Variants in SLC6A15 observed in about 807,000 individuals in gnomAD.
SLC6A15 encodes the protein solute carrier family 6 member 15, also known as sodium-dependent neutral amino acid transporter B(0)AT2.
In SLC6A15, 33 loss-of-function variants were observed where a neutral mutation model predicts 68.5. That is an observed-to-expected ratio of 0.48 (90% confidence interval 0.37 to 0.64). The LOEUF (loss-of-function observed/expected upper bound fraction) is 0.64. SLC6A15 is among the 30% of genes least tolerant of loss of function. The pLI, the probability that SLC6A15 is intolerant of heterozygous loss-of-function variation, is 0.00. For synonymous variants in SLC6A15, 347 were observed against 301.0 expected (o/e 1.15, Z -1.58); for missense variants, 747 against 874.3 (o/e 0.85, Z 1.84).
chr12:84,885,706 T>C, intron 3 of SLC6A15, 145 bp from the exon 4 acceptor site: 1 of 1,080,680 alleles, frequency 9.3e-7, no homozygotes, highest in South Asian at 1.7e-5. Context: ...TCTAAAAAGT[T>C]AATGTCTTTC....
intron 6 of SLC6A15, among the ~76,000 whole-genome samples, chr12:84,874,036 G>T (rs1387334517): frequency 6.6e-6 from 1 of 152,144 alleles, no homozygotes; most frequent in Non-Finnish European, 1.5e-5. Flanking sequence ...AAACAATTCA[G>T]ATCAGCCAAG....
chr12:84,881,555 T>C, intron 5 of SLC6A15: 1 of 985,412 alleles, frequency 1.0e-6, no homozygotes, highest in Non-Finnish European at 1.2e-6. Context: ...AATGTCCCTA[T>C]CATACCCCTC....
chr12:84,909,672 T>A (rs1377190064), intron 1 of SLC6A15, among the ~76,000 whole-genome samples: 2 of 152,182 alleles, frequency 1.3e-5, no homozygotes, highest in Non-Finnish European at 2.9e-5. Context: ...TACTAATATA[T>A]CCTATCATGC....
At chr12:84,899,224 T>C (rs2120708367) in intron 1 of SLC6A15, among the ~76,000 whole-genome samples, 1 of 152,260 alleles carries the variant, frequency 6.6e-6, no homozygotes, top group Non-Finnish European at 1.5e-5. Context: ...CCAAAGAAAG[T>C]CTCAAACCTA....
At chr12:84,881,076 C>T (rs1871800298) in intron 5 of SLC6A15, 1 of 158,644 alleles carries the variant, frequency 6.3e-6, no homozygotes, top group Non-Finnish European at 1.4e-5. Flanking sequence ...TAGTATTTAG[C>T]ATAGTAGTAG....
At chr12:84,882,459 A>G (rs1871863909) in intron 5 of SLC6A15, 1 of 953,942 alleles carries the variant, frequency 1.0e-6, no homozygotes, top group Admixed American at 6.2e-5. Context: ...CTTCAGGAAG[A>G]TAAATGTAAA....
At chr12:84,878,342 A>G (rs1430470040) in intron 5 of SLC6A15, among the ~76,000 whole-genome samples, 1 of 152,032 alleles carries the variant, frequency 6.6e-6, no homozygotes, top group Non-Finnish European at 1.5e-5. Flanking sequence ...GGATTTTTTC[A>G]TTCTCCCTGC....
chr12:84,886,570 C>T (rs10779145), intron 2 of SLC6A15, among the ~76,000 whole-genome samples: 77,726 of 149,128 alleles, frequency 0.52, 24,221 homozygotes, highest in African/African-American at 0.87. Flanking sequence ...GAAGAAGAAA[C>T]GTCTGCTTAG....
rs1305302937 is a variant in SLC6A15, at chr12:84,870,612, G to C, written c.1361C>G (p.Pro454Arg). ...IAFTEAMTHF[P>R]ASPFWSVMFF... ...CATCACTGACCAGAAGGGAGATGCA[G>C]GAAAATGTGTCATCGCTTCTGTAAA... The change falls in exon 9 of 12, where the codon CCT (proline) becomes CGT (arginine). Residue 454 changes from proline to arginine, a missense_variant. Coordinates refer to ENST00000266682, the MANE Select transcript of SLC6A15 (RefSeq NM_182767.6). The C allele has an allele frequency of 6.2e-7, 1 of 1,612,304 alleles. No homozygotes were observed. Among genetic ancestry groups the C allele is most frequent in the South Asian group, 1.1e-5 (1 of 90,746 alleles).
intron 11 of SLC6A15, among the ~76,000 whole-genome samples, chr12:84,862,375 T>C (rs895790864): frequency 6.6e-6 from 1 of 152,166 alleles, no homozygotes; most frequent in Admixed American, 6.5e-5. Context: ...AATAAATCAA[T>C]GTCGCTCTTA....
chr12:84,877,318 T>A (rs1871593861), intron 5 of SLC6A15, among the ~76,000 whole-genome samples: 1 of 152,170 alleles, frequency 6.6e-6, no homozygotes, highest in African/African-American at 2.4e-5. Context: ...TCCATCCCAT[T>A]AGTAAAGCCA....
chr12:84,886,154 T>A, intron 2 of SLC6A15, 86 bp from the exon 3 acceptor site: 2 of 940,080 alleles, frequency 2.1e-6, no homozygotes, highest in Non-Finnish European at 3.2e-6. Flanking sequence ...AAGATAATAT[T>A]TGAATTACTA....
At chr12:84,910,715 G>T (rs1474336614) in intron 1 of SLC6A15, among the ~76,000 whole-genome samples, 1 of 152,082 alleles carries the variant, frequency 6.6e-6, no homozygotes, top group Non-Finnish European at 1.5e-5. Context: ...ACGACATCGC[G>T]CCGGAACAAG....
chr12:84,881,424 T>C, intron 5 of SLC6A15: 1 of 983,398 alleles, frequency 1.0e-6, no homozygotes, highest in Non-Finnish European at 1.2e-6. Context: ...GGTTTAACTA[T>C]TTGAAGACTT....
chr12:84,873,078 T>C lies in SLC6A15; in HGVS notation c.1109+9A>G. On this transcript the variant is annotated intron_variant, in intron 7 of 11. Transcript: ENST00000266682. ...AAGAAAAAAGGCAAATGGAAATTAA[T>C]ATTCATACTGTGTAATGCATTTCTC... 1 of 1,611,298 alleles carries C rather than the reference T, an allele frequency of 6.2e-7. No homozygotes were observed. Among genetic ancestry groups the C allele is most frequent in the Non-Finnish European group, 8.5e-7 (1 of 1,179,072 alleles).
rs1565726687 is a variant in SLC6A15 at position 84,883,855 on chromosome 12, T to A, written c.756+4A>T. 6.2e-7 allele frequency: 1 copy of A among 1,614,018 alleles called. No homozygotes were observed. The highest frequency in any genetic ancestry group is 1.3e-5 in the African/African-American group (1 of 74,936). Reference sequence around the variant, plus strand: ...AGAATGAGGAAGGGCTCTAACATACTAACTTTTCCAGAAGACTGAATGCCT... The same window carrying A: ...AGAATGAGGAAGGGCTCTAACATACAAACTTTTCCAGAAGACTGAATGCCT... On this transcript the variant is annotated splice_donor_region_variant and intron_variant, in intron 5 of 11. Coordinates refer to ENST00000266682, the MANE Select transcript of SLC6A15 (RefSeq NM_182767.6).
chr12:84,871,992 T>C (rs1191087499), intron 8 of SLC6A15, among the ~76,000 whole-genome samples: 1 of 152,028 alleles, frequency 6.6e-6, no homozygotes, highest in African/African-American at 2.4e-5. Flanking sequence ...CTCCCGTCTC[T>C]ACTAAAATTA....
chr12:84,883,832 A>T (rs1483581599), intron 5 of SLC6A15, 27 bp downstream of exon 5: 2 of 1,614,114 alleles, frequency 1.2e-6, no homozygotes. Context: ...TGATTAGCAG[A>T]ATGAGGAAGG....
At chr12:84,881,917 T>C in intron 5 of SLC6A15, 1 of 985,422 alleles carries the variant, frequency 1.0e-6, no homozygotes, top group Non-Finnish European at 1.2e-6. Flanking sequence ...TCCCCATCAG[T>C]GCCTGTTAAA....
Sources: allele counts gnomAD v4.1 joint callset (sites outside exome capture counted in the v4.1 genomes callset), GRCh38; gene constraint gnomAD v4.1.1; transcripts MANE v1.5; gene names NCBI Gene and HGNC (gene_info 2026-07-23, HGNC 2026-07-21).